TTLL5: variants seen among roughly 807,000 people sequenced by gnomAD.
The protein encoded by TTLL5 is tubulin tyrosine ligase like 5.
A neutral mutation model predicts 168.4 loss-of-function variants in TTLL5; 132 were observed. The ratio of observed to expected loss-of-function variants is 0.78; its 90% confidence interval spans 0.68 to 0.91. The LOEUF is 0.91. Ranked by LOEUF, TTLL5 falls within the 40% of genes least tolerant of loss-of-function variation. The pLI is 0.00. For missense variants in TTLL5, 1,545 were observed against 1,581.5 expected, an observed-to-expected ratio of 0.98 and a Z score of 0.39; for synonymous variants, 546 against 558.6, an observed-to-expected ratio of 0.98 and a Z score of 0.32.
intron 27 of TTLL5, among the ~76,000 whole-genome samples, chr14:75,816,599 A>T (rs1254181009): frequency 1.3e-5 from 2 of 152,194 alleles, no homozygotes; most frequent in Admixed American, 1.3e-4. Flanking sequence ...TATACTAAAC[A>T]TGGTAAAGTG....
chr14:75,841,213 C>A (rs574773941), intron 28 of TTLL5, among the ~76,000 whole-genome samples: 1 of 152,326 alleles, frequency 6.6e-6, no homozygotes, highest in Non-Finnish European at 1.5e-5. Flanking sequence ...GACAAACAGC[C>A]AAACCGTATC....
intron 23 of TTLL5, among the ~76,000 whole-genome samples, chr14:75,778,718 G>A (rs1005867506): frequency 2.0e-5 from 3 of 152,134 alleles, no homozygotes; most frequent in African/African-American, 7.2e-5. Context: ...AAAAGAAAAA[G>A]GCCATTGAGA....
intron 27 of TTLL5, among the ~76,000 whole-genome samples, chr14:75,794,288 TATG>T (rs1049030584): frequency 1.3e-5 from 2 of 152,034 alleles, no homozygotes; most frequent in African/African-American, 2.4e-5. Context: ...GATACTAAGA[TATG>T]ATGGGAAGGA....
At chr14:75,792,540 C>A (rs1379977723) in intron 26 of TTLL5, among the ~76,000 whole-genome samples, 1 of 137,836 alleles carries the variant, frequency 7.3e-6, no homozygotes, top group Admixed American at 7.6e-5. Flanking sequence ...AGACTGTTGA[C>A]AAGTACAGTT....
intron 17 of TTLL5, among the ~76,000 whole-genome samples, chr14:75,747,765 G>A (rs1889701918): frequency 1.3e-5 from 2 of 152,072 alleles, no homozygotes; most frequent in African/African-American, 2.4e-5. Context: ...GTGAGCTCTG[G>A]GAATTATTCA....
At chr14:75,666,436 A>G (rs1477081889) in intron 2 of TTLL5, among the ~76,000 whole-genome samples, 1 of 152,262 alleles carries the variant, frequency 6.6e-6, no homozygotes, top group Non-Finnish European at 1.5e-5. Context: ...GTATGTAGAT[A>G]TAGAAGCTTT....
At chr14:75,766,654 C>T (rs140118582) in intron 20 of TTLL5, among the ~76,000 whole-genome samples, 5 of 152,158 alleles carry the variant, frequency 3.3e-5, no homozygotes, top group African/African-American at 4.8e-5. Context: ...TCAAGCAGCT[C>T]GTCGTTTAGT....
intron 26 of TTLL5, 38 bp from the exon 27 acceptor site, chr14:75,792,878 T>G: frequency 6.6e-7 from 1 of 1,505,808 alleles, no homozygotes; most frequent in Non-Finnish European, 8.9e-7. Context: ...CAGGCCTTTT[T>G]TTCCTAAATG....
chr14:75,882,557 C>G, intron 29 of TTLL5, 128 bp from the exon 30 acceptor site: 2 of 806,928 alleles, frequency 2.5e-6, no homozygotes. Flanking sequence ...AGAAGTTTTT[C>G]CTTAAAAAAA....
intron 31 of TTLL5, among the ~76,000 whole-genome samples, chr14:75,906,160 A>T (rs1038576619): frequency 3.3e-5 from 5 of 152,360 alleles, no homozygotes; most frequent in Admixed American, 1.3e-4. Context: ...CAAAACCCTA[A>T]GGATCTAGAT....
At chr14:75,900,509 C>T (rs527595529) in intron 30 of TTLL5, among the ~76,000 whole-genome samples, 31 of 152,254 alleles carry the variant, frequency 2.0e-4, no homozygotes, top group South Asian at 6.2e-4. Flanking sequence ...ATCACCTGGG[C>T]ACCTGGGGCA....
intron 12 of TTLL5, among the ~76,000 whole-genome samples, chr14:75,722,895 A>AT (rs928703415): frequency 1.7e-4 from 26 of 152,112 alleles, no homozygotes; most frequent in African/African-American, 6.3e-4. Flanking sequence ...AATTACAGAC[A>AT]TTTTTCAAGA....
At chr14:75,718,927 T>C (rs1371879924) in intron 10 of TTLL5, among the ~76,000 whole-genome samples, 1 of 152,200 alleles carries the variant, frequency 6.6e-6, no homozygotes, top group Non-Finnish European at 1.5e-5. Flanking sequence ...GCTGAAGCTA[T>C]ATAGGTTTCA....
At chr14:75,843,877 G>GTTTTATCTTATTTTATTTTA (rs1896395145) in intron 28 of TTLL5, among the ~76,000 whole-genome samples, 1 of 130,626 alleles carries the variant, frequency 7.7e-6, no homozygotes, top group Non-Finnish European at 1.6e-5. Flanking sequence ...GTTTTGTTTT[G>GTTTTATCTTATTTTATTTTA]TTTTATTTTA....
At chr14:75,784,962 A>G (rs897994935) in intron 26 of TTLL5, among the ~76,000 whole-genome samples, 2 of 152,068 alleles carry the variant, frequency 1.3e-5, no homozygotes, top group Non-Finnish European at 2.9e-5. Context: ...TTGAATGTAA[A>G]TGTTCTTTAT....
chr14:75,779,943 A>G (rs895601550), intron 24 of TTLL5, among the ~76,000 whole-genome samples: 6 of 152,156 alleles, frequency 3.9e-5, no homozygotes, highest in Non-Finnish European at 8.8e-5. Context: ...AAGAAAAGCT[A>G]ATAATAGCTG....
At chr14:75,665,481 A>G (rs754979844) in intron 2 of TTLL5, among the ~76,000 whole-genome samples, 1 of 152,230 alleles carries the variant, frequency 6.6e-6, no homozygotes, top group African/African-American at 2.4e-5. Flanking sequence ...TCATCACACT[A>G]GCATTTAGAT....
chr14:75,707,997 C>T (rs1886779357), intron 9 of TTLL5, among the ~76,000 whole-genome samples: 1 of 152,186 alleles, frequency 6.6e-6, no homozygotes, highest in Non-Finnish European at 1.5e-5. Context: ...ATGGTATTTT[C>T]CTGCAGTGAC....
At chr14:75,777,192 A>G (rs1891764719) in intron 23 of TTLL5, among the ~76,000 whole-genome samples, 1 of 152,226 alleles carries the variant, frequency 6.6e-6, no homozygotes, top group Non-Finnish European at 1.5e-5. Context: ...TTATCAAAAC[A>G]TTACTGCTGG....
Sources: allele counts gnomAD v4.1 joint callset (sites outside exome capture counted in the v4.1 genomes callset), GRCh38; gene constraint gnomAD v4.1.1; transcripts MANE v1.5; gene names NCBI Gene and HGNC (gene_info 2026-07-23, HGNC 2026-07-21).